The following GPATCH1 variants were observed in gnomAD, a reference collection of about 807,000 sequenced individuals.
The protein encoded by GPATCH1 is G patch domain-containing protein 1.
Under a neutral mutation model 114.9 loss-of-function variants are expected in GPATCH1, and 73 were observed. That is an observed-to-expected ratio of 0.64 (90% CI 0.53 to 0.77). The LOEUF is 0.77. Among genes scored for constraint, GPATCH1 ranks in the 30% least tolerant of loss-of-function variants. GPATCH1 has a pLI of 0.00. For missense variants in GPATCH1, 1,058 were observed against 1,144.3 expected (o/e 0.92, Z 1.09); for synonymous variants, 391 against 428.4 (o/e 0.91, Z 1.08).
intron 2 of GPATCH1, among the ~76,000 whole-genome samples, chr19:33,090,231 AC>A (rs1330825665): frequency 3.9e-5 from 6 of 152,076 alleles, no homozygotes; most frequent in African/African-American, 1.4e-4. Flanking sequence ...AAACTGGGGG[AC>A]TGGCAGAGCC....
chr19:33,110,254 A>G (rs1972837313), intron 11 of GPATCH1, among the ~76,000 whole-genome samples: 1 of 152,196 alleles, frequency 6.6e-6, no homozygotes, highest in Non-Finnish European at 1.5e-5. Flanking sequence ...TAGAGAACAC[A>G]GCTGGCGGTG....
Position 33,097,746 on chromosome 19 carries a change from T to A in GPATCH1, c.853-9T>A. The stretch of plus-strand genomic sequence containing the variant: ...CCTGTGCTCAGTTTGAAACCTTGTT[T>A]TTTTAAAGGCTTTTGGTGTAGGTGC... On this transcript the variant is annotated splice_polypyrimidine_tract_variant and intron_variant, in intron 7 of 19. Transcript: ENST00000170564. 6.2e-7 allele frequency: 1 copy of A among 1,613,764 alleles called. No individual in the cohort carries two copies. Among genetic ancestry groups the A allele is most frequent in the Non-Finnish European group, 8.5e-7 (1 of 1,179,726 alleles).
intron 17 of GPATCH1, among the ~76,000 whole-genome samples, chr19:33,120,279 T>C (rs1193732074): frequency 7.2e-6 from 1 of 139,132 alleles, no homozygotes; most frequent in Admixed American, 7.3e-5. Flanking sequence ...AACAATTATA[T>C]ATAAAAATTA....
intron 11 of GPATCH1, 47 bp downstream of exon 11, chr19:33,110,063 A>G: frequency 6.8e-7 from 1 of 1,477,820 alleles, no homozygotes; most frequent in East Asian, 2.3e-5. Flanking sequence ...GGGCGGGGTC[A>G]TATTCTCACT....
intron 11 of GPATCH1, among the ~76,000 whole-genome samples, chr19:33,110,267 C>T (rs752544138): frequency 7.2e-5 from 11 of 152,158 alleles, no homozygotes; most frequent in Non-Finnish European, 1.2e-4. Context: ...TGGCGGTGGC[C>T]GGTACTTACA....
rs761490782 is a variant in GPATCH1, at chr19:33,126,687, A to C, written c.2719A>C (p.Ser907Arg). The change falls in exon 19 of 20, where the codon AGT (serine) becomes CGT (arginine). Residue 907 changes from serine (S) to arginine (R), a missense_variant. By Grantham distance (110) the Ser-to-Arg change is moderately radical. This residue lies in a region of GPATCH1 where 893 missense variants were observed against 977.4 expected (regional missense o/e 0.91). Transcript: ENST00000170564. ...SESSDSSDSQ[S>R]DEETADVSPQ... ...GAGTTCCGACAGCAGCGACAGCCAGAGTGACGAGGAAACCGCAGACGTGTC... is the reference window on the plus strand; with the variant it reads ...GAGTTCCGACAGCAGCGACAGCCAGCGTGACGAGGAAACCGCAGACGTGTC... 6.2e-6 allele frequency: 10 copies of C among 1,614,030 alleles called. No individual in the cohort carries two copies. The highest frequency in any genetic ancestry group is 7.6e-6 in the Non-Finnish European group (9 of 1,180,020).
intron 2 of GPATCH1, 108 bp from the exon 3 acceptor site, chr19:33,090,672 G>A: frequency 1.5e-6 from 1 of 680,120 alleles, no homozygotes; most frequent in South Asian, 1.7e-5. Flanking sequence ...AAGTAGCTAA[G>A]AGTTTATAGT....
intron 18 of GPATCH1, among the ~76,000 whole-genome samples, chr19:33,125,745 G>T (rs537693305): frequency 6.6e-6 from 1 of 152,130 alleles, no homozygotes; most frequent in Non-Finnish European, 1.5e-5. Context: ...AGAGCAATGG[G>T]TGAATATTAA....
chr19:33,112,018 T>G, intron 12 of GPATCH1, 116 bp downstream of exon 12: 2 of 734,338 alleles, frequency 2.7e-6, no homozygotes, highest in Non-Finnish European at 4.5e-6. Flanking sequence ...CAGGCTAGAG[T>G]GCAGTGGTGT....
intron 6 of GPATCH1, 67 bp downstream of exon 6, chr19:33,095,887 T>C (rs1972652440): frequency 8.6e-7 from 1 of 1,162,128 alleles, no homozygotes; most frequent in South Asian, 1.2e-5. Context: ...ACTGTGAAAT[T>C]TGGTTGGAGA....
chr19:33,127,558 C>T (rs775756090), intron 19 of GPATCH1, among the ~76,000 whole-genome samples: 1 of 151,026 alleles, frequency 6.6e-6, no homozygotes, highest in Non-Finnish European at 1.5e-5. Context: ...TCAGACCTTA[C>T]AGCCAATGCT....
intron 17 of GPATCH1, among the ~76,000 whole-genome samples, chr19:33,119,735 C>A (rs1450035256): frequency 2.0e-5 from 3 of 149,650 alleles, no homozygotes; most frequent in Non-Finnish European, 4.4e-5. Flanking sequence ...GGCACAATGG[C>A]TCTAGCTGGG....
chr19:33,111,769 G>C lies in GPATCH1; in HGVS notation c.1631G>C (p.Arg544Pro). The C allele has an allele frequency of 6.2e-7, 1 of 1,614,122 alleles. No individual in the cohort carries two copies. The highest frequency in any genetic ancestry group is 8.5e-7 in the Non-Finnish European group (1 of 1,180,016). The change falls in exon 12 of 20, where the codon CGA (arginine) becomes CCA (proline). Residue 544 changes from arginine to proline, a missense_variant. Around this residue, in one of 3 missense-constraint regions of GPATCH1, gnomAD observed 893 missense variants for 977.4 expected, o/e 0.91. Transcript: ENST00000170564. The stretch of plus-strand genomic sequence containing the variant: ...GACCCCAGCATGACAGAGTGGGAGC[G>C]AGGCCGTGAGCGGGATGAGTTTGCC... Reference protein sequence around the residue: ...CLDPSMTEWERGRERDEFARA... With the variant: ...CLDPSMTEWEPGRERDEFARA...
rs748022255 is a variant in GPATCH1, at chr19:33,095,054, C to T, written c.554-708C>T. 3.3e-5 allele frequency among the ~76,000 whole-genome samples: 5 copies of T among 152,126 alleles called. No individual in the cohort carries two copies. The South Asian group carries it at 8.3e-4, about 25-fold the overall frequency. On this transcript the variant is annotated intron_variant, in intron 5 of 19. Transcript: ENST00000170564. ...TGGAGCGCACCTGTAGTCCCAGCTA[C>T]GACTCAGGAGAGTGAGGTGGGAGGA...
rs1973091294 is a variant in GPATCH1 at position 33,130,332 on chromosome 19, T to G, written c.*172T>G. The G allele has an allele frequency of 4.5e-6, 2 of 440,818 alleles. No homozygotes were observed. The highest frequency in any genetic ancestry group is 8.0e-6 in the Non-Finnish European group (2 of 249,126). 27.3% of individuals were successfully genotyped at this position (440,818 alleles called of 1,614,324 possible). A position where few individuals can be genotyped will look rare whatever the true frequency, so the allele number is the denominator to read the frequency against. ...GCCTTGAAAGGTCGCAGAAATTGAT[T>G]TCTATTTTTAATTTCAGTTAGTATC... On this transcript the variant is annotated 3_prime_UTR_variant, in exon 20 of 20. Transcript: ENST00000170564.
chr19:33,106,124 C>T (rs1295532282), intron 9 of GPATCH1, among the ~76,000 whole-genome samples: 2 of 152,154 alleles, frequency 1.3e-5, no homozygotes, highest in Non-Finnish European at 2.9e-5. Context: ...GCTGGGATTA[C>T]AGGCATGATC....
intron 7 of GPATCH1, among the ~76,000 whole-genome samples, chr19:33,097,223 C>T (rs1172323495): frequency 6.6e-6 from 1 of 152,170 alleles, no homozygotes; most frequent in Non-Finnish European, 1.5e-5. Flanking sequence ...GGATTACAGG[C>T]GTGAGCCACT....
chr19:33,117,920 A>G lies in GPATCH1; in HGVS notation c.2292A>G (p.Glu764=). 1 of 1,613,854 alleles carries G rather than the reference A, an allele frequency of 6.2e-7. No homozygotes were observed. ...CCATCTTTGCCAGTTCCTCAGATGA[A>G]AAGTCCTCATCCTCCGAGGATGAGC... is the stretch of plus-strand genomic sequence containing the variant. ...FRAIFASSSD[E]KSSSSEDEQG... Residue 764 remains glutamate, a synonymous_variant, in exon 16 of 20, where the codon GAA becomes GAG. Transcript: ENST00000170564.
chr19:33,095,795 C>T lies in GPATCH1; in HGVS notation c.587C>T (p.Pro196Leu). The change falls in exon 6 of 20, where the codon CCC becomes CTC. Residue 196 changes from proline (P) to leucine (L), a missense_variant. Pro to Leu is a moderately conservative substitution (Grantham distance 98). Coordinates refer to ENST00000170564, the MANE Select transcript of GPATCH1 (RefSeq NM_018025.3). ...PGVKIYGCAL[P>L]PGSSEGSEGE... ...GTCAAAATCTATGGCTGTGCATTACCCCCTGGAAGCTCGGAAGGATCTGAG... is the reference window on the plus strand; with the variant it reads ...GTCAAAATCTATGGCTGTGCATTACTCCCTGGAAGCTCGGAAGGATCTGAG... 1 of 1,611,192 alleles carries T rather than the reference C, an allele frequency of 6.2e-7. No individual in the cohort carries two copies. Among genetic ancestry groups the T allele is most frequent in the South Asian group, 1.1e-5 (1 of 90,996 alleles).
Sources: gnomAD v4.1 joint callset for allele counts (sites outside exome capture counted in the v4.1 genomes callset) on GRCh38, gnomAD v4.1.1 for gene constraint, gnomAD v4.1.1 regional missense constraint, MANE v1.5 for transcripts, NCBI Gene and HGNC (gene_info 2026-07-23, HGNC 2026-07-21) for gene names.